The following ATP11B variants were observed in gnomAD, a reference collection of about 807,000 sequenced individuals.
The protein encoded by ATP11B is phospholipid-transporting ATPase IF.
A neutral mutation model predicts 157.8 loss-of-function variants in ATP11B; 81 were observed. The observed-to-expected ratio is 0.51, with a 90% CI of 0.43 to 0.62. ATP11B has a LOEUF of 0.62. Among genes scored for constraint, ATP11B ranks in the 20% least tolerant of loss-of-function variants. ATP11B has a pLI of 0.00. For synonymous variants in ATP11B, 451 were observed against 469.4 expected (o/e 0.96, Z 0.51); for missense variants, 1,165 against 1,402.2 (o/e 0.83, Z 2.70).
At chr3:182,885,644 C>T (rs1722748264) in intron 22 of ATP11B, among the ~76,000 whole-genome samples, 1 of 151,910 alleles carries the variant, frequency 6.6e-6, no homozygotes. Flanking sequence ...ACTTATTGTA[C>T]TATATATGAA....
intron 1 of ATP11B, among the ~76,000 whole-genome samples, chr3:182,801,897 ATC>A (rs1716035140): frequency 6.6e-6 from 1 of 152,198 alleles, no homozygotes. Flanking sequence ...TTTACTAAGA[ATC>A]TGTCAAATTC....
chr3:182,801,579 G>A (rs1014754789), intron 1 of ATP11B, among the ~76,000 whole-genome samples: 11 of 152,110 alleles, frequency 7.2e-5, no homozygotes, highest in African/African-American at 2.4e-4. Context: ...TACAGTTATC[G>A]GCACATGACC....
In ATP11B at chr3:182,793,797, C is replaced by G; in HGVS notation, c.27+11C>G. ...ATCCGGCAGCAGCTGGTAGGTGCCC[C>G]CGCCCCTCCACCTCCATTCGTCCGC... is the stretch of plus-strand genomic sequence containing the variant. On this transcript the variant is annotated intron_variant, in intron 1 of 29. Transcript: ENST00000323116. 3 of 1,384,972 alleles carry G rather than the reference C, an allele frequency of 2.2e-6. No homozygotes were observed. The highest frequency in any genetic ancestry group is 2.8e-6 in the Non-Finnish European group (3 of 1,061,740). The allele number at this position is 1,384,972 out of a possible 1,614,324, so 85.8% of individuals were successfully genotyped here. A position where few individuals can be genotyped will look rare whatever the true frequency, so the allele number is the denominator to read the frequency against.
chr3:182,800,971 T>C (rs578121308), intron 1 of ATP11B, among the ~76,000 whole-genome samples: 1 of 151,672 alleles, frequency 6.6e-6, no homozygotes, highest in Non-Finnish European at 1.5e-5. Context: ...AACGGATTTT[T>C]TCGTATTGTT....
intron 2 of ATP11B, among the ~76,000 whole-genome samples, chr3:182,826,909 C>T (rs1421156410): frequency 1.3e-5 from 2 of 152,078 alleles, no homozygotes; most frequent in African/African-American, 4.8e-5. Context: ...CACTAGGTAA[C>T]GTAAAGTACC....
chr3:182,800,767 T>C (rs1163983397), intron 1 of ATP11B, among the ~76,000 whole-genome samples: 1 of 146,312 alleles, frequency 6.8e-6, no homozygotes, highest in Admixed American at 7.1e-5. Flanking sequence ...CTATACATGG[T>C]ATTGGCAAAT....
rs765619672 is a variant in ATP11B at position 182,891,012 on chromosome 3, A to G, written c.2982+1464A>G. ...TGTAACAAACCTGCACGTTGTGCAC[A>G]TGTACCCTAGAATTTAAAGTATAAT... On this transcript the variant is annotated intron_variant, in intron 25 of 29. Transcript: ENST00000323116. Among the ~76,000 whole-genome samples, 109 of 152,208 alleles carry G rather than the reference A, an allele frequency of 7.2e-4. 2 individuals are homozygous for G. Among genetic ancestry groups the G allele is most frequent in the Non-Finnish European group, 4.4e-4 (30 of 68,042 alleles).
Position 182,848,747 on chromosome 3 carries a change from A to G in ATP11B, c.851+190A>G, listed in dbSNP as rs201987503. 7.9e-5 allele frequency among the ~76,000 whole-genome samples: 12 copies of G among 152,196 alleles called. No homozygotes were observed. The East Asian group carries it at 1.9e-3, about 24-fold the overall frequency. ...GTATTGGACATGTAGTAAATGCTCTATAGTATGACTTTTAAAATAAATACT... is the reference window on the plus strand; with the variant it reads ...GTATTGGACATGTAGTAAATGCTCTGTAGTATGACTTTTAAAATAAATACT... On this transcript the variant is annotated intron_variant, in intron 10 of 29. Transcript: ENST00000323116.
At chr3:182,813,610 C>G (rs1017808688) in intron 1 of ATP11B, among the ~76,000 whole-genome samples, 3 of 152,136 alleles carry the variant, frequency 2.0e-5, no homozygotes, top group Admixed American at 6.5e-5. Context: ...CTGCTAGCCC[C>G]TCTTATACTA....
intron 7 of ATP11B, among the ~76,000 whole-genome samples, chr3:182,839,617 T>TATTTTATTTTATTTTATTTC (rs1718842390): frequency 6.6e-6 from 1 of 151,992 alleles, no homozygotes; most frequent in African/African-American, 2.4e-5. Flanking sequence ...TATTTTATTT[T>TATTTTATTTTATTTTATTTC]ATTTATTTTT....
At chr3:182,820,134 G>GTCTATA in intron 1 of ATP11B, 126 bp from the exon 2 acceptor site, 1 of 653,706 alleles carries the variant, frequency 1.5e-6, no homozygotes, top group Non-Finnish European at 2.7e-6. Context: ...GATGGATTGA[G>GTCTATA]TCTATATGCA....
intron 2 of ATP11B, among the ~76,000 whole-genome samples, chr3:182,823,493 T>G (rs1441691494): frequency 6.6e-6 from 1 of 152,098 alleles, no homozygotes; most frequent in Non-Finnish European, 1.5e-5. Flanking sequence ...TTGGTACCAG[T>G]ACCATGCTGT....
In ATP11B at chr3:182,901,724, C is replaced by A. The variant is rs1306629733; in HGVS notation, c.3318+2952C>A. Among the ~76,000 whole-genome samples, 3 of 152,122 alleles carry A rather than the reference C, an allele frequency of 2.0e-5. No homozygotes were observed. In the South Asian group the frequency reaches 6.2e-4, roughly 32 times the overall value. ...GTTCTTGTTACCTTTCCTATAGCCT[C>A]TTTTTAAAGGAATACATAGGAAATA... On this transcript the variant is annotated intron_variant, in intron 28 of 29. Transcript: ENST00000323116.
intron 19 of ATP11B, among the ~76,000 whole-genome samples, chr3:182,874,859 A>AT (rs1721918334): frequency 6.6e-6 from 1 of 151,896 alleles, no homozygotes. Context: ...TTTTGTTGAG[A>AT]TTTTTTCCTC....
intron 1 of ATP11B, among the ~76,000 whole-genome samples, chr3:182,814,119 A>G (rs1394853745): frequency 1.3e-5 from 2 of 152,090 alleles, no homozygotes; most frequent in South Asian, 2.1e-4. Context: ...CTGAAGTACA[A>G]TGGTGCAATC....
chr3:182,920,392 A>G lies in ATP11B; in HGVS notation c.*2288A>G, dbSNP rs987868635. ...AGTTTTCTATTTATTTAAGAAAGTA[A>G]CAATGCAGTCTGCAAGCTTTCAGTA... is the stretch of plus-strand genomic sequence containing the variant. On this transcript the variant is annotated 3_prime_UTR_variant, in exon 30 of 30. Coordinates refer to ENST00000323116, the MANE Select transcript of ATP11B (RefSeq NM_014616.3). 1.3e-5 allele frequency: 2 copies of G among 152,240 alleles called. No homozygotes were observed. Among genetic ancestry groups the G allele is most frequent in the African/African-American group, 2.4e-5 (1 of 41,460 alleles). 9.4% of individuals were successfully genotyped at this position (152,240 alleles called of 1,614,324 possible).
intron 28 of ATP11B, among the ~76,000 whole-genome samples, chr3:182,912,103 C>T (rs961440337): frequency 1.3e-5 from 2 of 152,094 alleles, no homozygotes; most frequent in Admixed American, 6.5e-5. Context: ...TGTAGGAGCC[C>T]TGGAGTCTGG....
chr3:182,882,901 A>G (rs1437860222), intron 21 of ATP11B, among the ~76,000 whole-genome samples: 2 of 152,324 alleles, frequency 1.3e-5, no homozygotes, highest in Admixed American at 1.3e-4. Flanking sequence ...GAAAGGAGAA[A>G]TCTAAAAAGA....
At chr3:182,845,286 C>T (rs1392957883) in intron 8 of ATP11B, among the ~76,000 whole-genome samples, 172 bp from the exon 9 acceptor site, 1 of 152,120 alleles carries the variant, frequency 6.6e-6, no homozygotes, top group Non-Finnish European at 1.5e-5. Context: ...GCATTACAGG[C>T]GTTAGCCACC....
Sources: allele counts gnomAD v4.1 joint callset (sites outside exome capture counted in the v4.1 genomes callset), GRCh38; gene constraint gnomAD v4.1.1; transcripts MANE v1.5; gene names NCBI Gene and HGNC (gene_info 2026-07-23, HGNC 2026-07-21).